Variants in PALM2AKAP2 observed in about 807,000 individuals in gnomAD.
PALM2AKAP2 encodes PALM2 and AKAP2 fusion, also known as PALM2-AKAP2 fusion protein.
PALM2AKAP2 carries 37 observed loss-of-function variants against 71.5 expected under a neutral mutation model. That is an observed-to-expected ratio of 0.52 (90% CI 0.40 to 0.68). PALM2AKAP2 has a LOEUF of 0.68. PALM2AKAP2 is among the 30% of genes least tolerant of loss of function. PALM2AKAP2 has a pLI of 0.00. For missense variants in PALM2AKAP2, 1,224 were observed against 1,191.8 expected (o/e 1.03, Z -0.40); for synonymous variants, 468 against 478.8 (o/e 0.98, Z 0.29).
intron 1 of PALM2AKAP2, among the ~76,000 whole-genome samples, chr9:109,797,667 C>T (rs1827302370): frequency 1.3e-5 from 2 of 152,210 alleles, no homozygotes; most frequent in African/African-American, 4.8e-5. Context: ...TGTGAACCGC[C>T]AGGGCAGGGG....
chr9:109,967,836 T>C lies in PALM2AKAP2; in HGVS notation c.496+35808T>C, dbSNP rs150742633. On this transcript the variant is annotated intron_variant, in intron 6 of 9. Transcript: ENST00000302798. ...TGGTGGATGAGTCAACCAGGGAAAG[T>C]TGACTTTGTTGTGTTTAAATTTGTG... is the stretch of plus-strand genomic sequence containing the variant. 1.6e-4 allele frequency among the ~76,000 whole-genome samples: 24 copies of C among 152,316 alleles called. No individual in the cohort carries two copies. The East Asian group carries it at 4.4e-3, about 28-fold the overall frequency.
chr9:109,993,094 T>G (rs1020465466), intron 6 of PALM2AKAP2, among the ~76,000 whole-genome samples: 2 of 151,648 alleles, frequency 1.3e-5, no homozygotes, highest in African/African-American at 2.4e-5. Flanking sequence ...TGAAGATCCC[T>G]TTTTCTGTCC....
At chr9:110,166,813 C>G (rs1238286022) in intron 3 of PALM2AKAP2, among the ~76,000 whole-genome samples, 1 of 152,192 alleles carries the variant, frequency 6.6e-6, no homozygotes, top group African/African-American at 2.4e-5. Context: ...TACCCACAAT[C>G]TGCTTATGTC....
intron 1 of PALM2AKAP2, among the ~76,000 whole-genome samples, chr9:109,642,417 A>G (rs917771681): frequency 1.3e-5 from 2 of 150,768 alleles, no homozygotes; most frequent in Admixed American, 6.6e-5. Flanking sequence ...TCTATTATCT[A>G]TGAATATTAT....
chr9:109,839,589 T>C (rs1041193349), intron 1 of PALM2AKAP2, among the ~76,000 whole-genome samples: 7 of 152,166 alleles, frequency 4.6e-5, no homozygotes, highest in African/African-American at 1.7e-4. Flanking sequence ...AAAGAGGAAG[T>C]CAAATTGTCC....
At chr9:109,986,801 T>C (rs1245394098) in intron 6 of PALM2AKAP2, among the ~76,000 whole-genome samples, 1 of 152,230 alleles carries the variant, frequency 6.6e-6, no homozygotes, top group African/African-American at 2.4e-5. Flanking sequence ...GATAACTGCA[T>C]TGAGGAGAAA....
At chr9:110,058,507 T>A (rs897955054) in intron 1 of PALM2AKAP2, among the ~76,000 whole-genome samples, 4 of 152,124 alleles carry the variant, frequency 2.6e-5, no homozygotes, top group African/African-American at 9.7e-5. Context: ...ACCTTTCCGT[T>A]CTCAAGCAGG....
At chr9:110,070,972 G>A (rs1174319554) in intron 1 of PALM2AKAP2, among the ~76,000 whole-genome samples, 2 of 151,842 alleles carry the variant, frequency 1.3e-5, no homozygotes, top group Admixed American at 1.3e-4. Flanking sequence ...GACCAGCCTG[G>A]CCAACGTGGT....
At chr9:109,876,343 G>T (rs1023632922) in intron 2 of PALM2AKAP2, among the ~76,000 whole-genome samples, 1 of 152,106 alleles carries the variant, frequency 6.6e-6, no homozygotes, top group Non-Finnish European at 1.5e-5. Flanking sequence ...TTTTGAATTG[G>T]TGATTTCCCC....
chr9:109,810,164 G>A (rs1827690559), intron 1 of PALM2AKAP2, among the ~76,000 whole-genome samples: 1 of 152,148 alleles, frequency 6.6e-6, no homozygotes, highest in Non-Finnish European at 1.5e-5. Context: ...GATAAATTTA[G>A]GAGTCTAGAA....
intron 1 of PALM2AKAP2, among the ~76,000 whole-genome samples, chr9:109,839,017 C>G (rs1190008294): frequency 6.6e-6 from 1 of 152,204 alleles, no homozygotes; most frequent in Non-Finnish European, 1.5e-5. Context: ...AAGAGGGAAT[C>G]CTTCCTAACT....
At chr9:109,961,342 T>C (rs1831847780) in intron 6 of PALM2AKAP2, among the ~76,000 whole-genome samples, 1 of 152,344 alleles carries the variant, frequency 6.6e-6, no homozygotes. Context: ...AGGCATATTC[T>C]TCCTTGATTT....
chr9:109,761,687 T>C (rs1829055527), intron 1 of PALM2AKAP2, among the ~76,000 whole-genome samples: 1 of 152,238 alleles, frequency 6.6e-6, no homozygotes, highest in Admixed American at 6.5e-5. Flanking sequence ...TCCATATCCC[T>C]GCAAAGGACA....
intron 1 of PALM2AKAP2, among the ~76,000 whole-genome samples, chr9:109,835,752 G>T (rs1432715973): frequency 6.6e-6 from 1 of 152,182 alleles, no homozygotes; most frequent in East Asian, 1.9e-4. Context: ...TGGCTCAGAG[G>T]GTACCACGCC....
chr9:109,754,840 T>A (rs1338084085), intron 1 of PALM2AKAP2, among the ~76,000 whole-genome samples: 1 of 152,100 alleles, frequency 6.6e-6, no homozygotes, highest in African/African-American at 2.4e-5. Flanking sequence ...TACCATTACA[T>A]TAGGGATTAG....
intron 1 of PALM2AKAP2, among the ~76,000 whole-genome samples, chr9:109,819,352 G>A (rs13297666): frequency 0.16 from 24,678 of 152,102 alleles, 2,621 homozygotes; most frequent in East Asian, 0.34. Flanking sequence ...GATAGGGGGC[G>A]AGCAACAAAG....
chr9:109,932,981 T>C (rs1831141893), intron 6 of PALM2AKAP2, among the ~76,000 whole-genome samples: 1 of 152,268 alleles, frequency 6.6e-6, no homozygotes, highest in African/African-American at 2.4e-5. Flanking sequence ...GAATCCCTAC[T>C]TATTTTAATA....
chr9:110,068,087 CTTTTTT>C lies in PALM2AKAP2; in HGVS notation c.156+19244_156+19249del, dbSNP rs5899875. The stretch of plus-strand genomic sequence containing the variant: ...GTTGTATTTGCTTATGTTCCAAACT[CTTTTTT>C]TTTTTTTTTTTGGTAAGATAATTTT... On this transcript the variant is annotated intron_variant, in intron 1 of 3. Transcript: ENST00000374525. 3.5e-4 allele frequency among the ~76,000 whole-genome samples: 43 copies of C among 122,936 alleles called. 2 individuals carry two copies. Among genetic ancestry groups the C allele is most frequent in the African/African-American group, 1.4e-3 (42 of 29,164 alleles). 80.7% of individuals were successfully genotyped at this position (122,936 alleles called of 152,430 possible).
At chr9:110,050,340 G>A (rs960838458) in intron 1 of PALM2AKAP2, among the ~76,000 whole-genome samples, 1 of 152,092 alleles carries the variant, frequency 6.6e-6, no homozygotes, top group African/African-American at 2.4e-5. Context: ...CTTGTCTTTT[G>A]TTCTGATTAG....
Sources: allele counts gnomAD v4.1 joint callset (sites outside exome capture counted in the v4.1 genomes callset), GRCh38; gene constraint gnomAD v4.1.1; transcripts MANE v1.5; gene names NCBI Gene and HGNC (gene_info 2026-07-23, HGNC 2026-07-21).